Variants in PTPRT observed in about 807,000 individuals in gnomAD.
PTPRT encodes receptor-type tyrosine-protein phosphatase T.
A neutral mutation model predicts 176.8 loss-of-function variants in PTPRT; 56 were observed. That is an observed-to-expected ratio of 0.32 (90% CI 0.26 to 0.40). The LOEUF is 0.40. PTPRT is among the 10% of genes least tolerant of loss of function. PTPRT has a pLI of 1.00. For synonymous variants in PTPRT, 783 were observed against 739.0 expected (o/e 1.06, Z -0.96); for missense variants, 1,540 against 1,908.2 (o/e 0.81, Z 3.60).
At chr20:43,068,765 A>C (rs1268783969) in intron 1 of PTPRT, among the ~76,000 whole-genome samples, 2 of 152,188 alleles carry the variant, frequency 1.3e-5, no homozygotes, top group Admixed American at 6.5e-5. Flanking sequence ...GATAAAGCAC[A>C]GCCTGAAGTA....
In PTPRT at chr20:42,448,286, A is replaced by G; in HGVS notation, c.1494T>C (p.Phe498=). The change falls in exon 9 of 31, where the codon TTT becomes TTC. Residue 498 remains phenylalanine (F), a synonymous_variant. Transcript: ENST00000373187. ...TCCACTGGATGTAGATCTTCTCCTC[A>G]AAGGGCCCCCCTTGGATGGATTCTA... ...VPLESIQGGP[F]EEKIYIQWKP... The G allele has an allele frequency of 6.2e-7, 1 of 1,613,458 alleles. No homozygotes were observed. Among genetic ancestry groups the G allele is most frequent in the Non-Finnish European group, 8.5e-7 (1 of 1,179,546 alleles).
chr20:42,356,048 A>T (rs184209216), intron 9 of PTPRT, among the ~76,000 whole-genome samples: 27 of 152,212 alleles, frequency 1.8e-4, no homozygotes, highest in African/African-American at 6.0e-4. Flanking sequence ...TCTAATTCCC[A>T]CTGCTTTGTC....
At chr20:42,276,554 T>A (rs77085002) in intron 13 of PTPRT, among the ~76,000 whole-genome samples, 3,534 of 89,858 alleles carry the variant, frequency 0.039, 330 homozygotes, top group African/African-American at 0.095. Context: ...TATATATATA[T>A]ATATAATGTT....
At chr20:42,276,968 G>A (rs1422290885) in intron 13 of PTPRT, among the ~76,000 whole-genome samples, 1 of 152,074 alleles carries the variant, frequency 6.6e-6, no homozygotes, top group Non-Finnish European at 1.5e-5. Context: ...AATCCATTAT[G>A]GGAAAAGGAG....
intron 1 of PTPRT, among the ~76,000 whole-genome samples, chr20:43,114,431 T>C (rs1239606653): frequency 6.6e-6 from 1 of 152,200 alleles, no homozygotes; most frequent in Non-Finnish European, 1.5e-5. Context: ...AATGAAATAG[T>C]ACCTACCTCA....
chr20:43,151,649 G>A (rs538449611), intron 1 of PTPRT, among the ~76,000 whole-genome samples: 14 of 152,132 alleles, frequency 9.2e-5, no homozygotes, highest in Admixed American at 2.6e-4. Context: ...ATCACCTGAG[G>A]TCAGGAGTTT....
At chr20:42,621,567 C>A (rs1213893801) in intron 7 of PTPRT, among the ~76,000 whole-genome samples, 1 of 152,214 alleles carries the variant, frequency 6.6e-6, no homozygotes, top group Non-Finnish European at 1.5e-5. Context: ...TTGACCTCAT[C>A]CTCCTTTAAA....
intron 27 of PTPRT, among the ~76,000 whole-genome samples, chr20:42,093,193 G>A (rs967120615): frequency 1.3e-5 from 2 of 152,164 alleles, no homozygotes; most frequent in Non-Finnish European, 2.9e-5. Flanking sequence ...TCTTTCTGGT[G>A]TCTTTCTGGT....
intron 15 of PTPRT, among the ~76,000 whole-genome samples, chr20:42,204,242 T>A (rs2146698891): frequency 6.6e-6 from 1 of 150,582 alleles, no homozygotes; most frequent in East Asian, 1.9e-4. Flanking sequence ...TTCATGGGAG[T>A]CAGAGATTTC....
the PTPRT span, among the ~76,000 whole-genome samples, chr20:42,049,102 A>G: frequency 2.6e-5 from 4 of 152,202 alleles, no homozygotes; most frequent in Non-Finnish European, 5.9e-5. Context: ...TTAGAGGCGC[A>G]TACCACTGCC....
chr20:42,343,339 C>G (rs983131407), intron 11 of PTPRT, among the ~76,000 whole-genome samples: 1 of 152,180 alleles, frequency 6.6e-6, no homozygotes, highest in Non-Finnish European at 1.5e-5. Context: ...TCCCACGAAC[C>G]AAGCCAGAAA....
At chr20:42,416,938 A>G (rs2059071177) in intron 9 of PTPRT, among the ~76,000 whole-genome samples, 1 of 152,146 alleles carries the variant, frequency 6.6e-6, no homozygotes, top group South Asian at 2.1e-4. Context: ...GGGCTGTGGG[A>G]CTGTGGGTGT....
chr20:42,870,655 T>C (rs1319185211), intron 2 of PTPRT, among the ~76,000 whole-genome samples: 1 of 152,254 alleles, frequency 6.6e-6, no homozygotes, highest in Non-Finnish European at 1.5e-5. Flanking sequence ...AATTGCATAA[T>C]GACTCATTTC....
intron 1 of PTPRT, among the ~76,000 whole-genome samples, chr20:42,967,763 C>G (rs1380298545): frequency 6.6e-6 from 1 of 151,084 alleles, no homozygotes; most frequent in Non-Finnish European, 1.5e-5. Context: ...TTCAAACCAT[C>G]GCAGCAGCCT....
At chr20:42,382,150 A>G (rs1182906466) in intron 9 of PTPRT, among the ~76,000 whole-genome samples, 1 of 152,222 alleles carries the variant, frequency 6.6e-6, no homozygotes, top group Non-Finnish European at 1.5e-5. Context: ...CATATTAAGG[A>G]AAGCTTTTAA....
At chr20:42,305,637 G>GTGTA (rs1375080283) in intron 12 of PTPRT, among the ~76,000 whole-genome samples, 3 of 152,254 alleles carry the variant, frequency 2.0e-5, no homozygotes, top group African/African-American at 7.2e-5. Context: ...ATGTGTGTGT[G>GTGTA]TGTGTTTTAG....
Position 42,964,281 on chromosome 20 carries a change from T to C in PTPRT, c.89-78349A>G, listed in dbSNP as rs141751307. Among the ~76,000 whole-genome samples, 13 of 152,192 alleles carry C rather than the reference T, an allele frequency of 8.5e-5. No individual in the cohort carries two copies. In the East Asian group the frequency reaches 2.1e-3, roughly 25 times the overall value. On this transcript the variant is annotated intron_variant, in intron 1 of 30. Coordinates refer to ENST00000373187, the MANE Select transcript of PTPRT (RefSeq NM_007050.6). Reference sequence around the variant, plus strand: ...TAAGATGTGATCTTAAGCAATTAGATTGCCAAGAGGTTAAATTGAAAGCAT... The same window carrying C: ...TAAGATGTGATCTTAAGCAATTAGACTGCCAAGAGGTTAAATTGAAAGCAT...
chr20:42,528,135 C>T (rs1272361025), intron 7 of PTPRT, among the ~76,000 whole-genome samples: 5 of 152,100 alleles, frequency 3.3e-5, no homozygotes, highest in Admixed American at 2.6e-4. Context: ...ACATGTTATG[C>T]TTCTTCCAGC....
intron 1 of PTPRT, among the ~76,000 whole-genome samples, chr20:43,042,036 T>A (rs1986629003): frequency 6.6e-6 from 1 of 152,352 alleles, no homozygotes; most frequent in Admixed American, 6.5e-5. Flanking sequence ...GTTCAGAAAG[T>A]TCTTTACCCT....
Sources: gnomAD v4.1 joint callset for allele counts (sites outside exome capture counted in the v4.1 genomes callset) on GRCh38, gnomAD v4.1.1 for gene constraint, MANE v1.5 for transcripts, NCBI Gene and HGNC (gene_info 2026-07-23, HGNC 2026-07-21) for gene names.